Variants in BCAS3 observed in about 807,000 individuals in gnomAD.
The protein encoded by BCAS3 is BCAS3 microtubule associated cell migration factor.
A neutral mutation model predicts 116.1 loss-of-function variants in BCAS3; 53 were observed. The observed-to-expected ratio is 0.46, with a 90% CI of 0.37 to 0.57. BCAS3 has a LOEUF of 0.57. Among genes scored for constraint, BCAS3 ranks in the 20% least tolerant of loss-of-function variants. The probability of loss-of-function intolerance (pLI) is 0.00; values close to 1 mark genes in which losing one functional copy is unlikely to be tolerated. For synonymous variants in BCAS3, 391 were observed against 408.2 expected (o/e 0.96, Z 0.51); for missense variants, 917 against 1,165.4 (o/e 0.79, Z 3.10).
rs2058777414 is a variant in BCAS3, at chr17:61,367,026, AGGCTGG to A, written c.2426-1296_2426-1291del. ...TTATCAGAGGCAGGACCGCCTGCCG[AGGCTGG>A]GGCTCGCACCCTCTCTATTACCACC... On this transcript the variant is annotated intron_variant, in intron 22 of 23. Transcript: ENST00000407086. The surrounding 1 kb of genome is among the most constrained non-coding windows in gnomAD (Gnocchi z 6.2). 6.6e-6 allele frequency among the ~76,000 whole-genome samples: 1 copy of A among 152,206 alleles called. No homozygotes were observed. The highest frequency in any genetic ancestry group is 2.4e-5 in the African/African-American group (1 of 41,448).
chr17:61,155,670 A>G (rs891024125), intron 22 of BCAS3, among the ~76,000 whole-genome samples: 1 of 152,218 alleles, frequency 6.6e-6, no homozygotes, highest in Non-Finnish European at 1.5e-5. Context: ...TGTTAAAATG[A>G]CTTCAGCTCT....
Position 61,388,069 on chromosome 17 carries a change from A to G in BCAS3, c.2594-3908A>G, listed in dbSNP as rs1428081160. On this transcript the variant is annotated intron_variant, in intron 23 of 23. Transcript: ENST00000407086. The surrounding 1 kb of genome is among the most constrained non-coding windows in gnomAD (Gnocchi z 6.5). The stretch of plus-strand genomic sequence containing the variant: ...CCTCATTTCCTGCCACAGAGCCCCC[A>G]GCACTCTCTTTCGGGCCCTGGCAGG... 2.0e-5 allele frequency among the ~76,000 whole-genome samples: 3 copies of G among 152,122 alleles called. No individual in the cohort carries two copies. The highest frequency in any genetic ancestry group is 4.4e-5 in the Non-Finnish European group (3 of 68,012).
intron 7 of BCAS3, among the ~76,000 whole-genome samples, chr17:60,840,357 T>G (rs921864497): frequency 6.6e-6 from 1 of 152,186 alleles, no homozygotes; most frequent in Non-Finnish European, 1.5e-5. Flanking sequence ...CCATCTTTCA[T>G]GCATTATAAT....
chr17:61,099,582 T>A (rs2074195329), intron 22 of BCAS3, among the ~76,000 whole-genome samples: 1 of 152,234 alleles, frequency 6.6e-6, no homozygotes, highest in South Asian at 2.1e-4. Flanking sequence ...CAAATTATCT[T>A]TTATGTTATG....
rs1244013524 is a variant in BCAS3 at position 61,073,807 on chromosome 17, T to C, written c.2030-1113T>C. On this transcript the variant is annotated intron_variant, in intron 19 of 23. Transcript: ENST00000407086. The surrounding 1 kb of genome is among the most constrained non-coding windows in gnomAD (Gnocchi z 4.6). The stretch of plus-strand genomic sequence containing the variant: ...CCTCCCAGTACTTCATTGCTTGATT[T>C]CTCTGAGTATTAAAATGGTAGGCCA... Among the ~76,000 whole-genome samples, 1 of 152,100 alleles carries C rather than the reference T, an allele frequency of 6.6e-6. No individual in the cohort carries two copies. Among genetic ancestry groups the C allele is most frequent in the East Asian group, 1.9e-4 (1 of 5,190 alleles).
intron 7 of BCAS3, among the ~76,000 whole-genome samples, chr17:60,808,927 C>T (rs1016426881): frequency 5.9e-5 from 9 of 152,120 alleles, no homozygotes; most frequent in Non-Finnish European, 1.5e-5. Flanking sequence ...ATGAGAAGGA[C>T]TGCCAGGGTA....
intron 6 of BCAS3, among the ~76,000 whole-genome samples, chr17:60,767,325 T>C (rs2044211967): frequency 6.6e-6 from 1 of 150,578 alleles, no homozygotes; most frequent in East Asian, 1.9e-4. Context: ...TTGGCCATCT[T>C]GGAACTCAGA....
intron 5 of BCAS3, among the ~76,000 whole-genome samples, chr17:60,730,836 CT>C (rs1042084294): frequency 6.6e-6 from 1 of 152,080 alleles, no homozygotes; most frequent in African/African-American, 2.4e-5. Context: ...CAGCCTTTTT[CT>C]TTGTTTCCTT....
chr17:61,078,446 T>C lies in BCAS3; in HGVS notation c.2244T>C (p.Ser748=). 6.2e-7 allele frequency: 1 copy of C among 1,614,220 alleles called. No individual in the cohort carries two copies. Among genetic ancestry groups the C allele is most frequent in the Non-Finnish European group, 8.5e-7 (1 of 1,180,030 alleles). Residue 748 remains serine, a synonymous_variant, in exon 21 of 24, where the codon TCT becomes TCC. Transcript: ENST00000407086. ...GQTTVISSSS[S]VLQSHGPSDT... ...CCACAGTTATCTCATCCAGTTCATC[T>C]GTGTTGCAGTCTCATGGTCCGAGTG...
rs1423677870 is a variant in BCAS3 at position 61,319,094 on chromosome 17, T to C, written c.2426-49233T>C. 2.6e-5 allele frequency among the ~76,000 whole-genome samples: 4 copies of C among 152,324 alleles called. No individual in the cohort carries two copies. The East Asian group carries it at 7.7e-4, about 29-fold the overall frequency. On this transcript the variant is annotated intron_variant, in intron 22 of 23. Transcript: ENST00000407086. The stretch of plus-strand genomic sequence containing the variant: ...TCTAAAGCCCTTCCACTTCCAAATC[T>C]GTGATTCCAAGATTGGGAGAATGCA...
chr17:60,798,511 C>T (rs182718127), intron 6 of BCAS3, among the ~76,000 whole-genome samples: 22 of 152,226 alleles, frequency 1.4e-4, no homozygotes, highest in African/African-American at 4.1e-4. Flanking sequence ...AACATTCCTT[C>T]GTTTTATGGC....
chr17:60,751,930 G>A (rs1417967137), intron 6 of BCAS3, among the ~76,000 whole-genome samples: 1 of 152,088 alleles, frequency 6.6e-6, no homozygotes, highest in Non-Finnish European at 1.5e-5. Flanking sequence ...CTCAAATGTG[G>A]GAAATGAAAA....
rs2076388118 is a variant in BCAS3, at chr17:61,132,365, C to G, written c.2425+47801C>G. ...TACTTGAGTATAGGTGAGAACTTGA[C>G]AGATAATTATGGTTGCTTGACCTGG... On this transcript the variant is annotated intron_variant, in intron 22 of 23. Coordinates refer to ENST00000407086, the MANE Select transcript of BCAS3 (RefSeq NM_017679.5). The surrounding 1 kb of genome is among the most constrained non-coding windows in gnomAD (Gnocchi z 5.1). Among the ~76,000 whole-genome samples the G allele has an allele frequency of 6.6e-6, 1 of 152,190 alleles. No individual in the cohort carries two copies. The highest frequency in any genetic ancestry group is 2.1e-4 in the South Asian group (1 of 4,830).
Position 60,722,310 on chromosome 17 carries a change from A to G in BCAS3, c.321+12985A>G, listed in dbSNP as rs1047242826. 3.3e-5 allele frequency among the ~76,000 whole-genome samples: 5 copies of G among 152,322 alleles called. No homozygotes were observed. In the East Asian group the frequency reaches 9.6e-4, roughly 29 times the overall value. On this transcript the variant is annotated intron_variant, in intron 5 of 23. Coordinates refer to ENST00000407086, the MANE Select transcript of BCAS3 (RefSeq NM_017679.5). ...GTTTACCTTCAGTAGGTACTGCCAA[A>G]TAGTTTTCAAAAGTGTTTTTGCCAA...
At chr17:60,894,304 A>G (rs2057371409) in intron 10 of BCAS3, among the ~76,000 whole-genome samples, 1 of 151,948 alleles carries the variant, frequency 6.6e-6, no homozygotes, top group Admixed American at 6.6e-5. Context: ...CTCCTTGGTT[A>G]AATTTCTTCT....
chr17:60,920,481 A>G (rs1172082624), intron 12 of BCAS3, among the ~76,000 whole-genome samples: 1 of 152,190 alleles, frequency 6.6e-6, no homozygotes, highest in Non-Finnish European at 1.5e-5. Context: ...CAACAAACAT[A>G]TGGAAAAATG....
At chr17:60,809,858 A>G (rs1385692918) in intron 7 of BCAS3, among the ~76,000 whole-genome samples, 2 of 152,194 alleles carry the variant, frequency 1.3e-5, no homozygotes, top group Non-Finnish European at 1.5e-5. Context: ...TTGGCTGCCC[A>G]CTAAGATACA....
chr17:61,010,341 C>G (rs2065025914), intron 15 of BCAS3, among the ~76,000 whole-genome samples: 1 of 151,804 alleles, frequency 6.6e-6, no homozygotes, highest in African/African-American at 2.4e-5. Flanking sequence ...CAGATCACAC[C>G]ATGTCATTCT....
chr17:60,697,179 G>C (rs1362126966), intron 4 of BCAS3, among the ~76,000 whole-genome samples: 1 of 152,044 alleles, frequency 6.6e-6, no homozygotes, highest in Non-Finnish European at 1.5e-5. Flanking sequence ...GACAGGGCAA[G>C]ACCCTACCTC....
Sources: allele counts gnomAD v4.1 joint callset (sites outside exome capture counted in the v4.1 genomes callset), GRCh38; gene constraint gnomAD v4.1.1; non-coding constraint Gnocchi (gnomAD v3.1); transcripts MANE v1.5; gene names NCBI Gene and HGNC (gene_info 2026-07-23, HGNC 2026-07-21).